Variants in RNF220 observed in about 807,000 individuals in gnomAD.
RNF220 encodes the protein ring finger protein 220.
RNF220 carries 7 observed loss-of-function variants against 67.1 expected under a neutral mutation model. The observed-to-expected ratio is 0.10, with a 90% CI of 0.06 to 0.20. RNF220 has a LOEUF of 0.20. Among genes scored for constraint, RNF220 ranks in the 10% least tolerant of loss-of-function variants. The probability of loss-of-function intolerance (pLI) is 1.00; values close to 1 mark genes in which losing one functional copy is unlikely to be tolerated. For synonymous variants in RNF220, 270 were observed against 283.2 expected (o/e 0.95, Z 0.47); for missense variants, 565 against 740.3 (o/e 0.76, Z 2.75).
chr1:44,520,460 C>T (rs988763868), intron 2 of RNF220, among the ~76,000 whole-genome samples: 46 of 152,034 alleles, frequency 3.0e-4, no homozygotes, highest in African/African-American at 1.1e-3. Context: ...AGCGAGACTC[C>T]GTCTCAAAAA....
At chr1:44,528,614 CTT>C (rs71036683) in intron 2 of RNF220, among the ~76,000 whole-genome samples, 32,520 of 132,014 alleles carry the variant, frequency 0.25, 3,790 homozygotes, top group South Asian at 0.38. Flanking sequence ...AAATTGGCAA[CTT>C]TTTTTTTTTT....
chr1:44,550,512 C>G (rs974044412), intron 2 of RNF220, among the ~76,000 whole-genome samples: 2 of 152,146 alleles, frequency 1.3e-5, no homozygotes, highest in African/African-American at 4.8e-5. Flanking sequence ...CTGCGGCCCT[C>G]TCAACAGTGA....
rs181336004 is a variant in RNF220 at position 44,478,583 on chromosome 1, G to A, written c.625+65861G>A. ...CTAAAAATACAAAAATTAGCTGGGC[G>A]TGGTGGCACATGCCTGTAGTCCCAG... On this transcript the variant is annotated intron_variant, in intron 2 of 14. Transcript: ENST00000361799. 2.7e-4 allele frequency among the ~76,000 whole-genome samples: 41 copies of A among 152,130 alleles called. No homozygotes were observed. The South Asian group carries it at 3.1e-3, about 12-fold the overall frequency.
intron 2 of RNF220, among the ~76,000 whole-genome samples, chr1:44,520,307 C>CA (rs1038329603): frequency 5.9e-4 from 89 of 150,460 alleles, no homozygotes; most frequent in African/African-American, 1.8e-3. Context: ...CTAAAAAATA[C>CA]AAAAAAAAAT....
At position 44,555,753 on chromosome 1, in the gene RNF220, G is replaced by A. The variant is rs553251663; in HGVS notation, c.626-58412G>A. 4.6e-5 allele frequency among the ~76,000 whole-genome samples: 7 copies of A among 150,752 alleles called. No individual in the cohort carries two copies. In the South Asian group the frequency reaches 1.5e-3, roughly 31 times the overall value. On this transcript the variant is annotated intron_variant, in intron 2 of 14. Transcript: ENST00000361799. The stretch of plus-strand genomic sequence containing the variant: ...GCCTCCCAAAGTGCTGAGATTACAG[G>A]CGTGAGCCACCGCGCCTGGCCTGAA...
chr1:44,439,017 A>G (rs867712299), intron 2 of RNF220, among the ~76,000 whole-genome samples: 3 of 152,234 alleles, frequency 2.0e-5, no homozygotes, highest in East Asian at 3.8e-4. Flanking sequence ...TGGTTGTCTA[A>G]TTAGGATGTT....
At position 44,650,874 on chromosome 1, in the gene RNF220, C is replaced by G; in HGVS notation, c.*99C>G. On this transcript the variant is annotated 3_prime_UTR_variant, in exon 15 of 15. Coordinates refer to ENST00000361799, the MANE Select transcript of RNF220 (RefSeq NM_018150.4). This position sits in a 1 kb window ranked among gnomAD's most constrained non-coding sequence, Gnocchi z 4.3. ...CTTTGTACATACTTGCACACAGGTT[C>G]CCCATGTACATACATGCACATACTC... is the stretch of plus-strand genomic sequence containing the variant. 4.7e-6 allele frequency: 5 copies of G among 1,058,192 alleles called. No homozygotes were observed. Among genetic ancestry groups the G allele is most frequent in the Non-Finnish European group, 5.8e-6 (4 of 689,138 alleles). 65.6% of individuals were successfully genotyped at this position (1,058,192 alleles called of 1,614,324 possible). A position where few individuals can be genotyped will look rare whatever the true frequency, so the allele number is the denominator to read the frequency against.
intron 2 of RNF220, among the ~76,000 whole-genome samples, chr1:44,524,603 C>T (rs561158586): frequency 3.9e-5 from 6 of 152,288 alleles, no homozygotes; most frequent in South Asian, 4.1e-4. Context: ...TTGCTCTGCC[C>T]GTCTCTTCCT....
At chr1:44,615,658 T>C (rs1243648975) in intron 3 of RNF220, among the ~76,000 whole-genome samples, 4 of 152,044 alleles carry the variant, frequency 2.6e-5, no homozygotes, top group Admixed American at 2.0e-4. Flanking sequence ...CCCAGAGGGA[T>C]GGAGACTGCT....
chr1:44,597,512 G>A (rs113484474), intron 2 of RNF220, among the ~76,000 whole-genome samples: 1 of 73,398 alleles, frequency 1.4e-5, no homozygotes, highest in African/African-American at 5.1e-5. Flanking sequence ...ACACACACAC[G>A]AACCTCCCTC....
chr1:44,445,368 C>G (rs982645952), intron 2 of RNF220, among the ~76,000 whole-genome samples: 2 of 152,080 alleles, frequency 1.3e-5, no homozygotes, highest in African/African-American at 4.8e-5. Flanking sequence ...TAAGAGAAAC[C>G]CTGTTGTTGT....
At chr1:44,643,902 C>G (rs1183633646) in intron 8 of RNF220, 1 of 153,908 alleles carries the variant, frequency 6.5e-6, no homozygotes, top group Non-Finnish European at 1.4e-5. Flanking sequence ...TGGTGTAGCC[C>G]CAGCAGCTCG....
intron 2 of RNF220, among the ~76,000 whole-genome samples, chr1:44,431,213 C>T (rs951404594): frequency 3.9e-5 from 6 of 152,066 alleles, no homozygotes; most frequent in East Asian, 3.9e-4. Flanking sequence ...TGAAATAAGA[C>T]GGCCGGGCGA....
At chr1:44,547,226 C>G (rs998682794) in intron 2 of RNF220, among the ~76,000 whole-genome samples, 7 of 152,236 alleles carry the variant, frequency 4.6e-5, no homozygotes, top group African/African-American at 1.7e-4. Context: ...TTAAAAAACA[C>G]ATTCTTTAAA....
At chr1:44,425,179 G>A (rs1649632272) in intron 2 of RNF220, among the ~76,000 whole-genome samples, 1 of 152,180 alleles carries the variant, frequency 6.6e-6, no homozygotes, top group Admixed American at 6.5e-5. Context: ...GGTTCAGGGG[G>A]TTTTGGGTAC....
At chr1:44,538,300 G>A (rs976008296) in intron 2 of RNF220, among the ~76,000 whole-genome samples, 23 of 152,002 alleles carry the variant, frequency 1.5e-4, no homozygotes, top group African/African-American at 5.3e-4. Flanking sequence ...TGTCTTTTCC[G>A]TCTGATTTAC....
intron 2 of RNF220, among the ~76,000 whole-genome samples, chr1:44,543,967 G>T (rs271617): frequency 1.3e-5 from 2 of 152,216 alleles, no homozygotes; most frequent in Non-Finnish European, 2.9e-5. Flanking sequence ...GAGAACTCTT[G>T]CATTATGCCC....
intron 2 of RNF220, among the ~76,000 whole-genome samples, chr1:44,480,780 G>A (rs748662876): frequency 2.6e-5 from 4 of 152,156 alleles, no homozygotes; most frequent in Non-Finnish European, 4.4e-5. Context: ...CAGCTACTTG[G>A]GAGGCTAAAG....
intron 2 of RNF220, among the ~76,000 whole-genome samples, chr1:44,570,600 C>T (rs1664369151): frequency 6.6e-6 from 1 of 152,150 alleles, no homozygotes; most frequent in Non-Finnish European, 1.5e-5. Flanking sequence ...CTTGGCACCT[C>T]TTTTTACTTT....
Sources: allele counts gnomAD v4.1 joint callset (sites outside exome capture counted in the v4.1 genomes callset), GRCh38; gene constraint gnomAD v4.1.1; non-coding constraint Gnocchi (gnomAD v3.1); transcripts MANE v1.5; gene names NCBI Gene and HGNC (gene_info 2026-07-23, HGNC 2026-07-21).